The following WASHC2A variants were observed in gnomAD, a reference collection of about 807,000 sequenced individuals.
WASHC2A encodes the protein WASH complex subunit FAM21A.
In WASHC2A, 82 loss-of-function variants were observed where a neutral mutation model predicts 140.3. The observed-to-expected ratio is 0.58, with a 90% CI of 0.49 to 0.70. The LOEUF is 0.70. Among genes scored for constraint, WASHC2A ranks in the 30% least tolerant of loss-of-function variants. The pLI, the probability that WASHC2A is intolerant of heterozygous loss-of-function variation, is 0.00. For synonymous variants in WASHC2A, 340 were observed against 560.8 expected (o/e 0.61, Z 5.56); for missense variants, 985 against 1,521.8 (o/e 0.65, Z 5.87).
At chr10:50,126,984 A>G (rs1290266436) in intron 26 of WASHC2A, among the ~76,000 whole-genome samples, 176 bp from the exon 27 acceptor site, 7 of 152,166 alleles carry the variant, frequency 4.6e-5, no homozygotes, top group Non-Finnish European at 4.4e-5. Context: ...AGGAGGAGGC[A>G]TACGTGAAGT....
At chr10:50,075,210 GA>G (rs1396805767) in intron 3 of WASHC2A, among the ~76,000 whole-genome samples, 3 of 151,216 alleles carry the variant, frequency 2.0e-5, no homozygotes, top group African/African-American at 7.3e-5. Flanking sequence ...TGTTATTTAT[GA>G]AATGTTTCAT....
At chr10:50,074,789 G>A (rs1554877254) in intron 3 of WASHC2A, among the ~76,000 whole-genome samples, 2 of 152,080 alleles carry the variant, frequency 1.3e-5, no homozygotes, top group East Asian at 1.9e-4. Flanking sequence ...GGTGGCAGGC[G>A]CCTGTAGTCC....
Position 50,106,717 on chromosome 10 carries a change from C to G in WASHC2A, c.1869+252C>G, listed in dbSNP as rs1370352696. Among the ~76,000 whole-genome samples the G allele has an allele frequency of 2.9e-5, 4 of 135,780 alleles. 1 individual carries two copies. The highest frequency in any genetic ancestry group is 1.7e-5 in the Non-Finnish European group (1 of 60,458). 89.1% of individuals were successfully genotyped at this position (135,780 alleles called of 152,430 possible). On this transcript the variant is annotated intron_variant, in intron 19 of 30. Transcript: ENST00000282633. ...GTATGCTCCTTCAAATGAGTTAGGC[C>G]GGCTAGGGGGGAAATGATTTCTCAG...
At chr10:50,127,351 A>T in intron 27 of WASHC2A, 129 bp downstream of exon 27, 1 of 1,566,582 alleles carries the variant, frequency 6.4e-7, no homozygotes, top group South Asian at 1.1e-5. Context: ...CCCTGCACCT[A>T]GTTGTTGTCT....
intron 30 of WASHC2A, among the ~76,000 whole-genome samples, 174 bp from the exon 31 acceptor site, chr10:50,132,632 T>C (rs888514049): frequency 7.9e-5 from 12 of 152,190 alleles, no homozygotes; most frequent in African/African-American, 2.7e-4. Context: ...ATCATAAAAT[T>C]TAATGAGTAA....
At chr10:50,097,395 G>C (rs1840590171) in intron 15 of WASHC2A, among the ~76,000 whole-genome samples, 1 of 150,786 alleles carries the variant, frequency 6.6e-6, no homozygotes, top group Non-Finnish European at 1.5e-5. Flanking sequence ...CACCTTGTAA[G>C]CCAGTCCAAG....
At chr10:50,131,966 C>G in intron 30 of WASHC2A, among the ~76,000 whole-genome samples, 1 of 152,232 alleles carries the variant, frequency 6.6e-6, no homozygotes, top group Middle Eastern at 3.2e-3. Context: ...CTTTCAGACA[C>G]AGTGATATTA....
chr10:50,129,671 A>G lies in WASHC2A; in HGVS notation c.3340A>G (p.Ser1114Gly). Residue 1114 changes from serine to glycine, a missense_variant, in exon 29 of 31, where the codon AGC (serine) becomes GGC (glycine). Coordinates refer to ENST00000282633, the MANE Select transcript of WASHC2A (RefSeq NM_001005751.3). Reference protein sequence around the residue: ...EGGPVPGVDRSPFAKSLGHSR... With the variant: ...EGGPVPGVDRGPFAKSLGHSR... ...TGGTCCTGTGCCTGGAGTGGACAGA[A>G]GCCCCTTTGCAAAGTCTCTGGGTCA... 2 of 1,612,076 alleles carry G rather than the reference A, an allele frequency of 1.2e-6. No homozygotes were observed. The highest frequency in any genetic ancestry group is 1.7e-6 in the Non-Finnish European group (2 of 1,179,866).
chr10:50,099,668 G>A (rs1273731460), intron 16 of WASHC2A, among the ~76,000 whole-genome samples: 1 of 136,988 alleles, frequency 7.3e-6, no homozygotes, highest in Non-Finnish European at 1.5e-5. Flanking sequence ...ACCACCTAAG[G>A]CCCAGCATTC....
At chr10:50,100,424 A>G (rs1417011182) in intron 17 of WASHC2A, among the ~76,000 whole-genome samples, 3 of 152,076 alleles carry the variant, frequency 2.0e-5, no homozygotes, top group Non-Finnish European at 1.5e-5. Flanking sequence ...AGAAGTTGCA[A>G]TGAACCGAGA....
chr10:50,100,542 T>C (rs1841020462), intron 17 of WASHC2A, among the ~76,000 whole-genome samples: 2 of 152,150 alleles, frequency 1.3e-5, no homozygotes, highest in Admixed American at 6.5e-5. Context: ...GAAAGCAATA[T>C]GTTTACAATA....
chr10:50,095,501 TGAAATG>T (rs1840396628), intron 14 of WASHC2A, 92 bp from the exon 15 acceptor site: 1 of 1,508,094 alleles, frequency 6.6e-7, no homozygotes, highest in African/African-American at 1.4e-5. Flanking sequence ...GTGGATTAAC[TGAAATG>T]GAAAGTTTTT....
At chr10:50,079,949 C>A (rs1405010293) in intron 4 of WASHC2A, among the ~76,000 whole-genome samples, 2 of 149,054 alleles carry the variant, frequency 1.3e-5, no homozygotes, top group African/African-American at 5.0e-5. Context: ...GACTTCAGTA[C>A]TTGAGATAAA....
intron 8 of WASHC2A, 90 bp downstream of exon 8, chr10:50,087,412 C>G: frequency 6.4e-7 from 1 of 1,555,492 alleles, no homozygotes; most frequent in South Asian, 1.2e-5. Context: ...GATTTATGAC[C>G]AAGTGAGGAT....
rs2669725 is a variant in WASHC2A at position 50,097,881 on chromosome 10, G to A, written c.1548+79G>A. The A allele has an allele frequency of 1.0e-4, 161 of 1,604,860 alleles. 1 individual carries two copies. The East Asian group carries it at 3.2e-3, about 32-fold the overall frequency. ...ATTCATCCTGAACCCAGAGGGAAGT[G>A]CTGTTCCCTTTCACGTTCATATTGA... On this transcript the variant is annotated intron_variant, in intron 16 of 30. Coordinates refer to ENST00000282633, the MANE Select transcript of WASHC2A (RefSeq NM_001005751.3).
chr10:50,103,291 G>T (rs1356777415), intron 17 of WASHC2A, among the ~76,000 whole-genome samples: 1 of 151,056 alleles, frequency 6.6e-6, no homozygotes, highest in African/African-American at 2.4e-5. Context: ...CGGGTGTGGT[G>T]GCTCAAGCCT....
At chr10:50,126,682 C>T (rs1463514379) in intron 26 of WASHC2A, among the ~76,000 whole-genome samples, 17 of 152,046 alleles carry the variant, frequency 1.1e-4, no homozygotes, top group African/African-American at 3.9e-4. Flanking sequence ...GCAGGTGTCC[C>T]AGGGTGTCTC....
At chr10:50,078,653 T>C (rs2132406527) in intron 3 of WASHC2A, 22 bp from the exon 4 acceptor site, 1 of 1,611,896 alleles carries the variant, frequency 6.2e-7, no homozygotes, top group South Asian at 1.1e-5. Flanking sequence ...CCTTTTAACA[T>C]TGAGTTTGCT....
At chr10:50,118,096 C>T in intron 22 of WASHC2A, 38 bp downstream of exon 22, 1 of 1,597,894 alleles carries the variant, frequency 6.3e-7, no homozygotes. Context: ...ATGCATTTGT[C>T]TCTCGTATGT....
Sources: allele counts gnomAD v4.1 joint callset (sites outside exome capture counted in the v4.1 genomes callset), GRCh38; gene constraint gnomAD v4.1.1; transcripts MANE v1.5; gene names NCBI Gene and HGNC (gene_info 2026-07-23, HGNC 2026-07-21).